The following PRSS12 variants were observed in gnomAD, a reference collection of about 807,000 sequenced individuals.
The protein encoded by PRSS12 is neurotrypsin.
Under a neutral mutation model 104.4 loss-of-function variants are expected in PRSS12, and 85 were observed. That is an observed-to-expected ratio of 0.81 (90% CI 0.68 to 0.98). The LOEUF is 0.98. PRSS12 is among the 50% of genes least tolerant of loss of function. PRSS12 has a pLI of 0.00. For missense variants in PRSS12, 1,141 were observed against 1,139.2 expected, an observed-to-expected ratio of 1.00 and a Z score of -0.02; for synonymous variants, 454 against 425.2, an observed-to-expected ratio of 1.07 and a Z score of -0.83.
chr4:118,313,133 A>T, intron 7 of PRSS12, 68 bp downstream of exon 7: 1 of 1,567,390 alleles, frequency 6.4e-7, no homozygotes, highest in Non-Finnish European at 8.7e-7. Flanking sequence ...CTTCATATTC[A>T]AGGCCAGTGG....
chr4:118,350,362 C>T (rs1412441264), intron 1 of PRSS12, among the ~76,000 whole-genome samples: 2 of 152,144 alleles, frequency 1.3e-5, no homozygotes, highest in Non-Finnish European at 2.9e-5. Flanking sequence ...CCAAGAGAGC[C>T]GTAACGTTCA....
At chr4:118,344,317 T>C (rs1399480357) in intron 1 of PRSS12, among the ~76,000 whole-genome samples, 16 of 152,152 alleles carry the variant, frequency 1.1e-4, no homozygotes, top group Admixed American at 1.0e-3. Context: ...TTACAGTACC[T>C]GAAAACAACT....
chr4:118,282,222 A>T lies in PRSS12; in HGVS notation c.2342T>A (p.Leu781Gln). ...AAGTAAGGGAATGGCTGCTTGTTGT[A>T]GTGTTCTTGAATAGGCTCGTCCTAC... ...GDTGRAYSRTLQQAAIPLLPK... is the reference protein window; with the variant it reads ...GDTGRAYSRTQQQAAIPLLPK... Residue 781 changes from leucine to glutamine, a missense_variant, in exon 13 of 13, where the codon CTA becomes CAA. Leu to Gln is a moderately radical substitution (Grantham distance 113). Coordinates refer to ENST00000296498, the MANE Select transcript of PRSS12 (RefSeq NM_003619.4). The T allele has an allele frequency of 3.7e-6, 6 of 1,614,226 alleles. No individual in the cohort carries two copies. The highest frequency in any genetic ancestry group is 5.1e-6 in the Non-Finnish European group (6 of 1,180,042).
At chr4:118,307,730 A>G (rs1322335264) in intron 8 of PRSS12, among the ~76,000 whole-genome samples, 10 of 152,078 alleles carry the variant, frequency 6.6e-5, no homozygotes, top group Admixed American at 6.6e-4. Flanking sequence ...ATTTAGTGCC[A>G]TGTTCTTATT....
chr4:118,327,882 C>A (rs1382446212), intron 4 of PRSS12, among the ~76,000 whole-genome samples: 1 of 152,104 alleles, frequency 6.6e-6, no homozygotes, highest in East Asian at 1.9e-4. Context: ...ATTTAGGAAG[C>A]TTGCCAGCTA....
intron 7 of PRSS12, among the ~76,000 whole-genome samples, chr4:118,312,511 T>C (rs1323481725): frequency 6.6e-6 from 1 of 152,138 alleles, no homozygotes; most frequent in African/African-American, 2.4e-5. Flanking sequence ...AAGAAATTTA[T>C]CAAGAATGTT....
intron 4 of PRSS12, among the ~76,000 whole-genome samples, chr4:118,328,506 A>C (rs1168200382): frequency 2.6e-5 from 4 of 152,176 alleles, no homozygotes; most frequent in Non-Finnish European, 5.9e-5. Context: ...TATCCTTGTC[A>C]ATATGGCCTT....
At position 118,331,877 on chromosome 4, in the gene PRSS12, T is replaced by C; in HGVS notation, c.821-11A>G. On this transcript the variant is annotated splice_polypyrimidine_tract_variant and intron_variant, in intron 3 of 12. Coordinates refer to ENST00000296498, the MANE Select transcript of PRSS12 (RefSeq NM_003619.4). ...TGGGGAACGTTGGGCCTGTGCAATG[T>C]GAAGTTAAAAATAAGCAAAACCTAT... 2 of 1,613,710 alleles carry C rather than the reference T, an allele frequency of 1.2e-6. No individual in the cohort carries two copies. Among genetic ancestry groups the C allele is most frequent in the Non-Finnish European group, 1.7e-6 (2 of 1,180,020 alleles).
chr4:118,284,541 T>C (rs986232115), intron 11 of PRSS12, among the ~76,000 whole-genome samples: 1 of 152,240 alleles, frequency 6.6e-6, no homozygotes, highest in Non-Finnish European at 1.5e-5. Context: ...GACCTTGTAT[T>C]CACCAGGTAA....
intron 4 of PRSS12, among the ~76,000 whole-genome samples, chr4:118,331,018 G>A (rs1284527297): frequency 6.6e-6 from 1 of 152,094 alleles, no homozygotes; most frequent in Non-Finnish European, 1.5e-5. Context: ...TGTAGTAAAT[G>A]ATTAACTAAA....
rs557728379 is a variant in PRSS12, at chr4:118,296,263, C to G, written c.1838-407G>C. Among the ~76,000 whole-genome samples the G allele has an allele frequency of 5.9e-5, 9 of 152,264 alleles. No homozygotes were observed. The South Asian group carries it at 1.9e-3, about 32-fold the overall frequency. ...CTTACTTTCCACATGCAAGACTGTT[C>G]TAAGTCACATAAAAAAATGTAACTC... is the stretch of plus-strand genomic sequence containing the variant. On this transcript the variant is annotated intron_variant, in intron 9 of 12. Transcript: ENST00000296498.
intron 7 of PRSS12, 102 bp from the exon 8 acceptor site, chr4:118,308,679 A>C: frequency 3.4e-6 from 5 of 1,470,072 alleles, no homozygotes; most frequent in Non-Finnish European, 4.7e-6. Context: ...AATCAGCTAT[A>C]AAATCAGATG....
intron 11 of PRSS12, among the ~76,000 whole-genome samples, chr4:118,287,309 T>C (rs1578901739): frequency 6.6e-6 from 1 of 152,156 alleles, no homozygotes; most frequent in East Asian, 1.9e-4. Context: ...CCATGCTCAC[T>C]AATTTTCAAA....
chr4:118,332,027 T>C (rs1197949350), intron 3 of PRSS12, among the ~76,000 whole-genome samples, 161 bp from the exon 4 acceptor site: 2 of 152,252 alleles, frequency 1.3e-5, no homozygotes, highest in Non-Finnish European at 2.9e-5. Context: ...TATATTATGG[T>C]AATCTTGGCC....
intron 8 of PRSS12, among the ~76,000 whole-genome samples, chr4:118,306,782 C>A (rs1276175917): frequency 1.3e-5 from 2 of 151,932 alleles, no homozygotes; most frequent in Non-Finnish European, 2.9e-5. Flanking sequence ...AGAAAGAAAT[C>A]CAAGTAATAA....
chr4:118,348,890 G>GGATCACC (rs1724422373), intron 1 of PRSS12, among the ~76,000 whole-genome samples: 1 of 152,130 alleles, frequency 6.6e-6, no homozygotes, highest in Admixed American at 6.6e-5. Flanking sequence ...GACCTCAGGT[G>GGATCACC]ATCCACCTGC....
intron 5 of PRSS12, among the ~76,000 whole-genome samples, chr4:118,318,129 T>A (rs1342864179): frequency 6.6e-6 from 1 of 152,228 alleles, no homozygotes; most frequent in Non-Finnish European, 1.5e-5. Context: ...TACTATATAC[T>A]GCAACAAAGT....
In PRSS12 at chr4:118,308,584, C is replaced by T. The variant is rs183541303; in HGVS notation, c.1490-7G>A. ...ATCAGTCTGACAGGAAAACCTAAGTCATGATTCAAAAGTATTAGAACAGCC... is the reference window on the plus strand; with the variant it reads ...ATCAGTCTGACAGGAAAACCTAAGTTATGATTCAAAAGTATTAGAACAGCC... On this transcript the variant is annotated splice_polypyrimidine_tract_variant and splice_region_variant and intron_variant, in intron 7 of 12. Transcript: ENST00000296498. 783 of 1,567,858 alleles carry T rather than the reference C, an allele frequency of 5.0e-4. 6 individuals carry two copies. The African/African-American group carries it at 9.0e-3, about 18-fold the overall frequency.
chr4:118,288,424 G>A (rs1743058045), intron 11 of PRSS12, among the ~76,000 whole-genome samples: 1 of 152,146 alleles, frequency 6.6e-6, no homozygotes, highest in Admixed American at 6.5e-5. Flanking sequence ...CTGACACACT[G>A]TGTTCTTAAA....
Sources: gnomAD v4.1 joint callset for allele counts (sites outside exome capture counted in the v4.1 genomes callset) on GRCh38, gnomAD v4.1.1 for gene constraint, MANE v1.5 for transcripts, NCBI Gene and HGNC (gene_info 2026-07-23, HGNC 2026-07-21) for gene names.